The following CC2D1A variants were observed in gnomAD, a reference collection of about 807,000 sequenced individuals.
The protein encoded by CC2D1A is coiled-coil and C2 domain containing 1A.
A neutral mutation model predicts 123.8 loss-of-function variants in CC2D1A; 68 were observed. The ratio of observed to expected loss-of-function variants is 0.55; its 90% CI spans 0.45 to 0.67. The LOEUF is 0.67. Ranked by LOEUF, CC2D1A falls within the 30% of genes least tolerant of loss-of-function variation. The probability of loss-of-function intolerance (pLI) is 0.00; values close to 1 mark genes in which losing one functional copy is unlikely to be tolerated. For synonymous variants in CC2D1A, 477 were observed against 528.0 expected (o/e 0.90, Z 1.32); for missense variants, 1,185 against 1,290.3 (o/e 0.92, Z 1.25).
chr19:13,930,662 C>T lies in CC2D1A; in HGVS notation c.*267C>T. The T allele has an allele frequency of 2.0e-6, 1 of 504,114 alleles. No individual in the cohort carries two copies. Among genetic ancestry groups the T allele is most frequent in the African/African-American group, 1.9e-5 (1 of 51,448 alleles). The allele number at this position is 504,114 out of a possible 1,614,324, so 31.2% of individuals were successfully genotyped here. On this transcript the variant is annotated 3_prime_UTR_variant, in exon 29 of 29. Coordinates refer to ENST00000318003, the MANE Select transcript of CC2D1A (RefSeq NM_017721.5). The surrounding 1 kb of genome is among the most constrained non-coding windows in gnomAD (Gnocchi z 6.8). ...CAGCCCAGGGGTGTCCGGCCTCTGG[C>T]CCGCCCCGGAGCAGGGAGGGTGGCT...
intron 22 of CC2D1A, 32 bp from the exon 23 acceptor site, chr19:13,927,861 C>T: frequency 6.2e-7 from 1 of 1,608,024 alleles, no homozygotes. Flanking sequence ...CTTCCTGCTT[C>T]CCACCAACAG....
chr19:13,927,621 CA>C (rs1328256907), intron 22 of CC2D1A: 9 of 463,374 alleles, frequency 1.9e-5, no homozygotes, highest in African/African-American at 7.9e-5. Context: ...TACTAAAATA[CA>C]AAAAAATTAG....
At position 13,930,321 on chromosome 19, in the gene CC2D1A, GA is replaced by G; in HGVS notation, c.2835+33del. 6.2e-7 allele frequency: 1 copy of G among 1,613,846 alleles called. No homozygotes were observed. Among genetic ancestry groups the G allele is most frequent in the Non-Finnish European group, 8.5e-7 (1 of 1,179,840 alleles). On this transcript the variant is annotated intron_variant, in intron 28 of 28. Coordinates refer to ENST00000318003, the MANE Select transcript of CC2D1A (RefSeq NM_017721.5). The surrounding 1 kb of genome is among the most constrained non-coding windows in gnomAD (Gnocchi z 6.8). ...AGCTTAGGAGATGGGGTGGTTGGGG[GA>G]TCACTGTGGTCGTAGCCCACCTCCA... is the stretch of plus-strand genomic sequence containing the variant.
chr19:13,924,421 C>G (rs892331255), intron 17 of CC2D1A, among the ~76,000 whole-genome samples: 1 of 152,096 alleles, frequency 6.6e-6, no homozygotes. Context: ...CCGCCCACCT[C>G]GGCCTCCCAA....
chr19:13,908,624 C>G (rs1223687788), intron 1 of CC2D1A, among the ~76,000 whole-genome samples: 1 of 150,914 alleles, frequency 6.6e-6, no homozygotes, highest in Non-Finnish European at 1.5e-5. Context: ...CGCCAGCACT[C>G]CCAGCTAATT....
Position 13,926,604 on chromosome 19 carries a change from A to G in CC2D1A, c.2014+14A>G. On this transcript the variant is annotated intron_variant, in intron 18 of 28. Coordinates refer to ENST00000318003, the MANE Select transcript of CC2D1A (RefSeq NM_017721.5). The stretch of plus-strand genomic sequence containing the variant: ...CCACACCCCCAGGTGAGGGGGCTGT[A>G]GGCAAGGGTCAGGGTCATGGGGACC... 4 of 1,614,102 alleles carry G rather than the reference A, an allele frequency of 2.5e-6. No individual in the cohort carries two copies. Among genetic ancestry groups the G allele is most frequent in the Non-Finnish European group, 3.4e-6 (4 of 1,179,974 alleles).
intron 22 of CC2D1A, 93 bp from the exon 23 acceptor site, chr19:13,927,800 A>C (rs1170706818): frequency 7.1e-7 from 1 of 1,399,602 alleles, no homozygotes; most frequent in Non-Finnish European, 9.7e-7. Context: ...AAAAAACCAA[A>C]AAAAAAAACC....
At position 13,930,388 on chromosome 19, in the gene CC2D1A, G is replaced by T; in HGVS notation, c.2849G>T (p.Arg950Leu). ...CCTCTCCCCCAGCTGCAGCGGCTCC[G>T]CAGGTGAGGAGCCCATGGGGCGGGC... Reference protein sequence around the residue: ...NLVESELQRLRR With the variant: ...NLVESELQRLLR The change falls in exon 29 of 29, where the codon CGC (arginine) becomes CTC (leucine). Residue 950 changes from arginine (R) to leucine (L), a missense_variant. Physicochemically the swap from Arg to Leu is moderately radical, Grantham distance 102. Coordinates refer to ENST00000318003, the MANE Select transcript of CC2D1A (RefSeq NM_017721.5). This position sits in a 1 kb window ranked among gnomAD's most constrained non-coding sequence, Gnocchi z 6.8. 1 of 1,611,916 alleles carries T rather than the reference G, an allele frequency of 6.2e-7. No homozygotes were observed. The highest frequency in any genetic ancestry group is 8.5e-7 in the Non-Finnish European group (1 of 1,178,784).
At chr19:13,915,779 C>T (rs1242496607) in intron 6 of CC2D1A, among the ~76,000 whole-genome samples, 1 of 151,908 alleles carries the variant, frequency 6.6e-6, no homozygotes, top group African/African-American at 2.4e-5. Flanking sequence ...TGCAGTGAGC[C>T]GTGATCGTGC....
At chr19:13,926,045 C>CGTATATATATATATATAT (rs1568419032) in intron 17 of CC2D1A, among the ~76,000 whole-genome samples, 1 of 108,180 alleles carries the variant, frequency 9.2e-6, no homozygotes, top group Non-Finnish European at 1.6e-5. Context: ...TATATATATA[C>CGTATATATATATATATAT]ACGTATATAT....
At chr19:13,918,267 C>T (rs1971277404) in intron 7 of CC2D1A, 73 bp downstream of exon 7, 1 of 1,446,700 alleles carries the variant, frequency 6.9e-7, no homozygotes, top group Admixed American at 2.7e-5. Context: ...TGGCAAAGCA[C>T]CCAAATTTGC....
chr19:13,913,481 A>G lies in CC2D1A; in HGVS notation c.591A>G (p.Ile197Met). Residue 197 changes from isoleucine to methionine, a missense_variant, in exon 6 of 29, where the codon ATA (isoleucine) becomes ATG (methionine). Physicochemically the swap from Ile to Met is conservative, Grantham distance 10. Transcript: ENST00000318003. ...DEADIPPPVA[I>M]GKGPASTPTY... ...CGGACATCCCGCCGCCAGTGGCCATAGGAAAAGGCCCGGCGTCCACGCCTA... is the reference window on the plus strand; with the variant it reads ...CGGACATCCCGCCGCCAGTGGCCATGGGAAAAGGCCCGGCGTCCACGCCTA... 1.9e-6 allele frequency: 3 copies of G among 1,614,232 alleles called. No homozygotes were observed. Among genetic ancestry groups the G allele is most frequent in the Middle Eastern group, 1.6e-4 (1 of 6,062 alleles).
At chr19:13,917,306 CA>C (rs60630779) in intron 6 of CC2D1A, among the ~76,000 whole-genome samples, 1,639 of 150,168 alleles carry the variant, frequency 0.011, 14 homozygotes, top group Non-Finnish European at 0.016. Flanking sequence ...CCCATCTCTA[CA>C]AAAAAAAATA....
chr19:13,930,022 G>T lies in CC2D1A; in HGVS notation c.2711-56G>T, dbSNP rs1971839166. On this transcript the variant is annotated intron_variant, in intron 26 of 28. Transcript: ENST00000318003. This position sits in a 1 kb window ranked among gnomAD's most constrained non-coding sequence, Gnocchi z 6.8. ...TTGGGGATGGGCACAGTCCAGGAGG[G>T]TTGTGGGCAGTGAGGCCCCACCCTA... 1.3e-6 allele frequency: 2 copies of T among 1,557,390 alleles called. No homozygotes were observed. The highest frequency in any genetic ancestry group is 1.7e-6 in the Non-Finnish European group (2 of 1,144,588).
Position 13,918,751 on chromosome 19 carries a change from C to T in CC2D1A, c.952C>T (p.Leu318=). Residue 318 remains leucine (L), a synonymous_variant, in exon 9 of 29, where the codon CTG becomes TTG. Transcript: ENST00000318003. ...LSCLPPPPDQ[L]PPDPPSPPSQ... ...CTGGACCTCTCTGTCCCCAGACCAG[C>T]TGCCCCCAGACCCACCGTCACCACC... 1 of 1,610,952 alleles carries T rather than the reference C, an allele frequency of 6.2e-7. No homozygotes were observed. The highest frequency in any genetic ancestry group is 8.5e-7 in the Non-Finnish European group (1 of 1,178,476).
rs1568420223 is a variant in CC2D1A at position 13,927,064 on chromosome 19, G to A, written c.2212G>A (p.Val738Met). The A allele has an allele frequency of 6.2e-7, 1 of 1,614,122 alleles. No homozygotes were observed. Among genetic ancestry groups the A allele is most frequent in the African/African-American group, 1.3e-5 (1 of 75,058 alleles). The change falls in exon 21 of 29, where the codon GTG becomes ATG. Residue 738 changes from valine to methionine, a missense_variant. Coordinates refer to ENST00000318003, the MANE Select transcript of CC2D1A (RefSeq NM_017721.5). ...AIQTKGIKFE[V>M]VHKGGLFKTD... ...CCAGACCAAGGGCATCAAGTTCGAA[G>A]TGGTTCACAAGGGGTGAGCTAGAGA... is the stretch of plus-strand genomic sequence containing the variant.
chr19:13,914,902 G>GCCTC (rs983813396), intron 6 of CC2D1A, among the ~76,000 whole-genome samples: 1 of 152,226 alleles, frequency 6.6e-6, no homozygotes, highest in African/African-American at 2.4e-5. Flanking sequence ...GGAAAGGAAG[G>GCCTC]CCTCCCTCCC....
At chr19:13,915,031 A>G (rs2145316845) in intron 6 of CC2D1A, among the ~76,000 whole-genome samples, 1 of 152,362 alleles carries the variant, frequency 6.6e-6, no homozygotes, top group Admixed American at 6.5e-5. Flanking sequence ...GGGTCACTAA[A>G]TCCTTCTGCA....
intron 17 of CC2D1A, among the ~76,000 whole-genome samples, chr19:13,926,032 A>ATATATATATACGTATATATATGTGTG (rs1568418957): frequency 9.1e-5 from 8 of 88,318 alleles, no homozygotes; most frequent in South Asian, 3.8e-4. Context: ...ATATGTGTAT[A>ATATATATATACGTATATATATGTGTG]TATATATATA....
Sources: allele counts gnomAD v4.1 joint callset (sites outside exome capture counted in the v4.1 genomes callset), GRCh38; gene constraint gnomAD v4.1.1; non-coding constraint Gnocchi (gnomAD v3.1); transcripts MANE v1.5; gene names NCBI Gene and HGNC (gene_info 2026-07-23, HGNC 2026-07-21).